Variants in TBL1XR1 observed in about 807,000 individuals in gnomAD.
The protein encoded by TBL1XR1 is F-box-like/WD repeat-containing protein TBL1XR1.
In TBL1XR1, 5 loss-of-function variants were observed where a neutral mutation model predicts 66.9. The observed-to-expected ratio is 0.07, with a 90% confidence interval of 0.04 to 0.16. The LOEUF is 0.16. Ranked by LOEUF, TBL1XR1 falls within the 10% of genes least tolerant of loss-of-function variation. TBL1XR1 has a pLI of 1.00. For missense variants in TBL1XR1, 238 were observed against 623.2 expected, an observed-to-expected ratio of 0.38 and a Z score of 6.58; for synonymous variants, 210 against 206.0, an observed-to-expected ratio of 1.02 and a Z score of -0.17.
chr3:177,040,233 T>A (rs1292200034), intron 10 of TBL1XR1, among the ~76,000 whole-genome samples: 3 of 152,158 alleles, frequency 2.0e-5, no homozygotes, highest in Non-Finnish European at 2.9e-5. Flanking sequence ...GAGGACTGCT[T>A]GAGCTGGGGA....
chr3:177,191,276 C>T (rs752396822), intron 1 of TBL1XR1, among the ~76,000 whole-genome samples: 9 of 152,198 alleles, frequency 5.9e-5, no homozygotes, highest in Non-Finnish European at 1.0e-4. Flanking sequence ...AAATAAATTA[C>T]ACTGTCAGTA....
At chr3:177,198,389 G>T (rs1737202112), upstream of TBL1XR1, among the ~76,000 whole-genome samples, 1 of 152,194 alleles carries the variant, frequency 6.6e-6, no homozygotes, top group Non-Finnish European at 1.5e-5. Flanking sequence ...GTAACTAAAT[G>T]TTTACTAAAT....
chr3:177,194,772 T>C (rs1736617611), intron 1 of TBL1XR1, among the ~76,000 whole-genome samples: 1 of 152,210 alleles, frequency 6.6e-6, no homozygotes, highest in Non-Finnish European at 1.5e-5. Flanking sequence ...GGTGTCATGG[T>C]AATCATGCAA....
chr3:177,040,939 T>A (rs1005113487), intron 10 of TBL1XR1: 8 of 152,196 alleles, frequency 5.3e-5, no homozygotes, highest in Admixed American at 1.3e-4. Context: ...ACTATATTTT[T>A]AAAATATTTA....
At chr3:177,169,713 C>CT (rs1167890777) in intron 1 of TBL1XR1, among the ~76,000 whole-genome samples, 1 of 152,214 alleles carries the variant, frequency 6.6e-6, no homozygotes, top group African/African-American at 2.4e-5. Flanking sequence ...ATCCCTCACT[C>CT]TTTCTTCACT....
chr3:177,136,119 A>G (rs1203459831), intron 1 of TBL1XR1: 1 of 152,060 alleles, frequency 6.6e-6, no homozygotes, highest in African/African-American at 2.4e-5. Flanking sequence ...TCCTTTTTTA[A>G]TGAATTTAAT....
intron 1 of TBL1XR1, among the ~76,000 whole-genome samples, chr3:177,166,790 T>C (rs538880958): frequency 1.3e-5 from 2 of 152,300 alleles, no homozygotes; most frequent in East Asian, 1.9e-4. Context: ...ATTTAAACAA[T>C]AATGAAATAT....
intron 1 of TBL1XR1, among the ~76,000 whole-genome samples, chr3:177,194,617 A>G (rs1349356971): frequency 7.9e-5 from 12 of 152,160 alleles, no homozygotes; most frequent in Admixed American, 7.2e-4. Flanking sequence ...TACTGCACTG[A>G]TAGATTTAAT....
At chr3:177,049,959 C>T in intron 7 of TBL1XR1, 38 bp downstream of exon 7, 1 of 1,603,680 alleles carries the variant, frequency 6.2e-7, no homozygotes, top group Non-Finnish European at 8.5e-7. Flanking sequence ...GTTAGGTATA[C>T]TAGTAATTAT....
rs1270165943 is a variant in TBL1XR1, at chr3:177,067,908, A to G, written c.-45-2886T>C. Among the ~76,000 whole-genome samples the G allele has an allele frequency of 2.6e-5, 4 of 152,302 alleles. No homozygotes were observed. In the East Asian group the frequency reaches 7.7e-4, roughly 29 times the overall value. On this transcript the variant is annotated intron_variant, in intron 2 of 15. Coordinates refer to ENST00000457928, the MANE Select transcript of TBL1XR1 (RefSeq NM_024665.7). ...TGTGATGTAGTCTTCCCCTGCCCGCATGAGTACTAAATACTAGGAATCAGA... is the reference window on the plus strand; with the variant it reads ...TGTGATGTAGTCTTCCCCTGCCCGCGTGAGTACTAAATACTAGGAATCAGA...
intron 1 of TBL1XR1, among the ~76,000 whole-genome samples, chr3:177,146,032 A>G (rs1271411656): frequency 6.6e-6 from 1 of 152,218 alleles, no homozygotes; most frequent in Non-Finnish European, 1.5e-5. Flanking sequence ...TACTTAATAC[A>G]ACTGTCTGGC....
chr3:177,179,772 C>T (rs1734585058), intron 1 of TBL1XR1, among the ~76,000 whole-genome samples: 1 of 152,116 alleles, frequency 6.6e-6, no homozygotes, highest in South Asian at 2.1e-4. Context: ...GTTGATTTGT[C>T]AGAACAAAGG....
intron 1 of TBL1XR1, among the ~76,000 whole-genome samples, chr3:177,163,513 A>C (rs1732465293): frequency 1.3e-5 from 2 of 152,240 alleles, no homozygotes; most frequent in South Asian, 4.1e-4. Flanking sequence ...TCCGTCTGAA[A>C]AAAAAAAAAG....
chr3:177,100,262 A>G (rs900561926), intron 1 of TBL1XR1, among the ~76,000 whole-genome samples: 2 of 152,252 alleles, frequency 1.3e-5, no homozygotes, highest in Non-Finnish European at 2.9e-5. Flanking sequence ...AACTCCCAAC[A>G]TAAGTAAAAG....
At chr3:177,081,947 A>C (rs1259131001) in intron 2 of TBL1XR1, among the ~76,000 whole-genome samples, 1 of 152,146 alleles carries the variant, frequency 6.6e-6, no homozygotes, top group African/African-American at 2.4e-5. Flanking sequence ...TTAGAAGTTA[A>C]GGAGAATTTG....
intron 2 of TBL1XR1, chr3:177,091,315 CT>C (rs762227206): frequency 6.6e-6 from 1 of 151,912 alleles, no homozygotes; most frequent in Admixed American, 6.6e-5. Context: ...ACTTAAAGTA[CT>C]TATAAAGTAC....
intron 2 of TBL1XR1, among the ~76,000 whole-genome samples, chr3:177,097,392 T>A (rs1486734117): frequency 1.3e-5 from 2 of 152,186 alleles, no homozygotes; most frequent in East Asian, 3.8e-4. Context: ...TAAGAGAGAA[T>A]CACTCTGACT....
At chr3:177,085,737 A>T (rs1722040303) in intron 2 of TBL1XR1, among the ~76,000 whole-genome samples, 1 of 152,182 alleles carries the variant, frequency 6.6e-6, no homozygotes, top group Non-Finnish European at 1.5e-5. Flanking sequence ...AATAAAAGAA[A>T]ATTTTCCCAA....
chr3:177,069,620 T>A (rs773866449), intron 2 of TBL1XR1, among the ~76,000 whole-genome samples: 2 of 151,804 alleles, frequency 1.3e-5, no homozygotes, highest in Non-Finnish European at 2.9e-5. Context: ...AGGCCTGTAA[T>A]CTCAGCTACT....
Sources: gnomAD v4.1 joint callset for allele counts (sites outside exome capture counted in the v4.1 genomes callset) on GRCh38, gnomAD v4.1.1 for gene constraint, MANE v1.5 for transcripts, NCBI Gene and HGNC (gene_info 2026-07-23, HGNC 2026-07-21) for gene names.